The following RTEL1 variants were observed in gnomAD, a reference collection of about 807,000 sequenced individuals.
The protein encoded by RTEL1 is regulator of telomere length.
In RTEL1, 86 loss-of-function variants were observed where a neutral mutation model predicts 162.2. The ratio of observed to expected loss-of-function variants is 0.53; its 90% CI spans 0.45 to 0.63. The LOEUF (loss-of-function observed/expected upper bound fraction) is 0.63. RTEL1 is among the 30% of genes least tolerant of loss of function. RTEL1 has a pLI of 0.00. For missense variants in RTEL1, 1,941 were observed against 1,750.2 expected (o/e 1.11, Z -1.95); for synonymous variants, 958 against 717.9 (o/e 1.33, Z -5.35).
In RTEL1 at chr20:63,688,338, C is replaced by G; in HGVS notation, c.1674C>G (p.Ile558Met). Reference protein sequence around the residue: ...IARVVPYGLLIFFPSYPVMEK... With the variant: ...IARVVPYGLLMFFPSYPVMEK... ...GCGTGGTGCCCTATGGGCTCCTGAT[C>G]TTCTTCCCTTCCTATCCTGTCATGG... The change falls in exon 20 of 35, where the codon ATC (isoleucine) becomes ATG (methionine). Residue 558 changes from isoleucine to methionine, a missense_variant. Ile to Met is a conservative substitution (Grantham distance 10). Coordinates refer to ENST00000360203, the MANE Select transcript of RTEL1 (RefSeq NM_001283009.2). 1 of 1,612,664 alleles carries G rather than the reference C, an allele frequency of 6.2e-7. No homozygotes were observed. The highest frequency in any genetic ancestry group is 8.5e-7 in the Non-Finnish European group (1 of 1,179,948).
intron 30 of RTEL1, 52 bp downstream of exon 30, chr20:63,693,335 G>A (rs763594928): frequency 1.1e-5 from 18 of 1,603,814 alleles, no homozygotes; most frequent in Non-Finnish European, 1.4e-5. Flanking sequence ...AAGGCAGTGT[G>A]GGCCAGAGTC....
chr20:63,687,366 GGGCT>G, intron 16 of RTEL1: 1 of 438,518 alleles, frequency 2.3e-6, no homozygotes, highest in Non-Finnish European at 4.1e-6. Flanking sequence ...GGGTTGGAGT[GGGCT>G]GACCTCTCTG....
intron 14 of RTEL1, among the ~76,000 whole-genome samples, chr20:63,685,252 C>T (rs185214314): frequency 1.4e-4 from 21 of 152,108 alleles, no homozygotes; most frequent in African/African-American, 4.6e-4. Context: ...GGCCAGTTGG[C>T]GGGAGGAGAG....
intron 13 of RTEL1, among the ~76,000 whole-genome samples, chr20:63,680,202 C>T (rs982380725): frequency 1.3e-5 from 2 of 152,212 alleles, no homozygotes; most frequent in African/African-American, 4.8e-5. Flanking sequence ...GAAAGAGCAG[C>T]CCAAGGCCCT....
At chr20:63,690,671 C>A in intron 26 of RTEL1, 134 bp from the exon 27 acceptor site, 5 of 1,106,362 alleles carry the variant, frequency 4.5e-6, no homozygotes, top group Non-Finnish European at 6.3e-6. Flanking sequence ...TGAGACTCCC[C>A]CCAATAGCAG....
chr20:63,694,105 T>C (rs1442825962), intron 30 of RTEL1, among the ~76,000 whole-genome samples: 1 of 152,098 alleles, frequency 6.6e-6, no homozygotes, highest in Non-Finnish European at 1.5e-5. Flanking sequence ...GGCTTGGTAC[T>C]CACTGGGATA....
At chr20:63,658,943 G>A (rs1336425229) in intron 1 of RTEL1, among the ~76,000 whole-genome samples, 1 of 152,254 alleles carries the variant, frequency 6.6e-6, no homozygotes, top group Non-Finnish European at 1.5e-5. Flanking sequence ...AGGCCGGGAG[G>A]GGTGCCGCTT....
chr20:63,683,963 C>A (rs962029686), intron 14 of RTEL1, among the ~76,000 whole-genome samples: 2 of 152,224 alleles, frequency 1.3e-5, no homozygotes, highest in Non-Finnish European at 2.9e-5. Flanking sequence ...TCTGAGGATC[C>A]CATGCCGACA....
intron 24 of RTEL1, 49 bp downstream of exon 24, chr20:63,689,914 C>A: frequency 6.4e-7 from 1 of 1,554,568 alleles, no homozygotes; most frequent in South Asian, 1.1e-5. Context: ...ACGCCCACAC[C>A]CCACTGGGCC....
chr20:63,680,784 T>C, intron 14 of RTEL1, 65 bp downstream of exon 14: 2 of 1,599,544 alleles, frequency 1.3e-6, no homozygotes, highest in South Asian at 1.1e-5. Flanking sequence ...CTTCTCCTGC[T>C]GTATTAGTTA....
At position 63,696,049 on chromosome 20, in the gene RTEL1, G is replaced by A; in HGVS notation, c.*191G>A. 1.7e-6 allele frequency: 1 copy of A among 604,324 alleles called. No individual in the cohort carries two copies. 37.4% of individuals were successfully genotyped at this position (604,324 alleles called of 1,614,324 possible). A position where few individuals can be genotyped will look rare whatever the true frequency, so the allele number is the denominator to read the frequency against. ...CCGGATCTGGGCCTGCCTCTGAGAA[G>A]CCCTGAGCTACCTTGGGGTCTGGGG... is the stretch of plus-strand genomic sequence containing the variant. On this transcript the variant is annotated 3_prime_UTR_variant, in exon 35 of 35. Transcript: ENST00000360203.
intron 1 of RTEL1, 137 bp downstream of exon 1, chr20:63,658,603 T>G (rs2089956856): frequency 6.6e-6 from 1 of 152,236 alleles, no homozygotes; most frequent in South Asian, 2.1e-4. Context: ...CCGCGCTGCA[T>G]TTTGGGACCT....
At chr20:63,693,609 ACCTCCACCT>A (rs2090868069) in intron 30 of RTEL1, among the ~76,000 whole-genome samples, 9 of 28,338 alleles carry the variant, frequency 3.2e-4, no homozygotes, top group Admixed American at 4.6e-4. Context: ...CACCACCACC[ACCTCCACCT>A]CCACCACCAC....
intron 6 of RTEL1, among the ~76,000 whole-genome samples, chr20:63,664,436 T>G (rs115935436): frequency 0.015 from 2,207 of 151,714 alleles, 57 homozygotes; most frequent in African/African-American, 0.05. Flanking sequence ...CTGGGCCTGG[T>G]ACCTGGTGGG....
intron 27 of RTEL1, 34 bp from the exon 28 acceptor site, chr20:63,691,708 G>T (rs751455729): frequency 2.5e-6 from 4 of 1,577,374 alleles, no homozygotes; most frequent in Non-Finnish European, 1.7e-6. Flanking sequence ...TGTGGTTGGG[G>T]TCTGTGTGTG....
chr20:63,690,319 C>A lies in RTEL1; in HGVS notation c.2291C>A (p.Thr764Lys), dbSNP rs767774517. ...RTMPAPAPRA[T>K]APSVRGEDAV... ...ATGCCAGCGCCGGCCCCCCGGGCTACAGCACCCAGTGTGCGTGGAGAAGAT... is the reference window on the plus strand; with the variant it reads ...ATGCCAGCGCCGGCCCCCCGGGCTAAAGCACCCAGTGTGCGTGGAGAAGAT... Residue 764 changes from threonine (T) to lysine (K), a missense_variant, in exon 26 of 35, where the codon ACA (threonine) becomes AAA (lysine). Coordinates refer to ENST00000360203, the MANE Select transcript of RTEL1 (RefSeq NM_001283009.2). 3 of 1,609,608 alleles carry A rather than the reference C, an allele frequency of 1.9e-6. No individual in the cohort carries two copies. In the South Asian group the frequency reaches 3.3e-5, roughly 18 times the overall value.
intron 21 of RTEL1, 26 bp downstream of exon 21, chr20:63,688,631 C>A: frequency 6.3e-7 from 1 of 1,583,774 alleles, no homozygotes; most frequent in Non-Finnish European, 8.6e-7. Flanking sequence ...GGGCTCTGGG[C>A]CTGCTGCCCC....
intron 16 of RTEL1, 133 bp downstream of exon 16, chr20:63,686,005 C>G (rs1158354152): frequency 3.2e-5 from 25 of 777,582 alleles, no homozygotes; most frequent in Non-Finnish European, 5.0e-5. Context: ...CATATCCAGG[C>G]CAATCCAGAG....
chr20:63,672,464 G>C (rs1422425455), intron 8 of RTEL1, 92 bp from the exon 9 acceptor site: 1 of 1,048,810 alleles, frequency 9.5e-7, no homozygotes, highest in Non-Finnish European at 1.4e-6. Context: ...ATCTGCGCTT[G>C]TGATGTTCGA....
Sources: allele counts gnomAD v4.1 joint callset (sites outside exome capture counted in the v4.1 genomes callset), GRCh38; gene constraint gnomAD v4.1.1; transcripts MANE v1.5; gene names NCBI Gene and HGNC (gene_info 2026-07-23, HGNC 2026-07-21).